The following PLA2G15 variants were observed in gnomAD, a reference collection of about 807,000 sequenced individuals.
The protein encoded by PLA2G15 is lysosomal phospholipase A and acyltransferase.
Under a neutral mutation model 40.9 loss-of-function variants are expected in PLA2G15, and 20 were observed. The observed-to-expected ratio is 0.49, with a 90% CI of 0.34 to 0.71. The LOEUF (loss-of-function observed/expected upper bound fraction) is 0.71, where lower values mean the gene tolerates loss of function less well. Ranked by LOEUF, PLA2G15 falls within the 30% of genes least tolerant of loss-of-function variation. The pLI is 0.01. For synonymous variants in PLA2G15, 223 were observed against 228.2 expected (o/e 0.98, Z 0.21); for missense variants, 471 against 541.9 (o/e 0.87, Z 1.30).
At position 68,254,956 on chromosome 16, in the gene PLA2G15, C is replaced by G; in HGVS notation, c.322C>G (p.Pro108Ala). The G allele has an allele frequency of 6.2e-7, 1 of 1,613,972 alleles. No homozygotes were observed. Among genetic ancestry groups the G allele is most frequent in the Non-Finnish European group, 8.5e-7 (1 of 1,179,886 alleles). ...CAAAACATCCAGGGCCACCCAGTTT[C>G]CTGATGGTGTGGATGTACGTGTCCC... Reference protein sequence around the residue: ...YNKTSRATQFPDGVDVRVPGF... With the variant: ...YNKTSRATQFADGVDVRVPGF... Residue 108 changes from proline to alanine, a missense_variant, in exon 3 of 6, where the codon CCT becomes GCT. Physicochemically the swap from Pro to Ala is conservative, Grantham distance 27. Transcript: ENST00000219345.
In PLA2G15 at chr16:68,255,708, C is replaced by T. The variant is rs767882512; in HGVS notation, c.503-58C>T. 6 of 1,425,758 alleles carry T rather than the reference C, an allele frequency of 4.2e-6. No individual in the cohort carries two copies. In the South Asian group the frequency reaches 5.8e-5, roughly 14 times the overall value. 88.3% of individuals were successfully genotyped at this position (1,425,758 alleles called of 1,614,324 possible). On this transcript the variant is annotated intron_variant, in intron 4 of 5. Transcript: ENST00000219345. This position sits in a 1 kb window ranked among gnomAD's most constrained non-coding sequence, Gnocchi z 5.9. ...TCTTGTGTCTGGCCTGAGAAAAGCT[C>T]AGTGGTTCCGGCTCCAGGACCCTTC... is the stretch of plus-strand genomic sequence containing the variant.
rs1216133821 is a variant in PLA2G15 at position 68,255,409 on chromosome 16, A to G, written c.502+29A>G. 21 of 1,485,642 alleles carry G rather than the reference A, an allele frequency of 1.4e-5. No individual in the cohort carries two copies. Among genetic ancestry groups the G allele is most frequent in the Non-Finnish European group, 2.0e-5 (21 of 1,073,206 alleles). 92.0% of individuals were successfully genotyped at this position (1,485,642 alleles called of 1,614,324 possible). On this transcript the variant is annotated intron_variant, in intron 4 of 5. Transcript: ENST00000219345. The surrounding 1 kb of genome is among the most constrained non-coding windows in gnomAD (Gnocchi z 5.9). ...AGCAGGCACTCTCATTCCCTCCCTGACGTCTCGGGAGGTAGGGGTGAGGTG... is the reference window on the plus strand; with the variant it reads ...AGCAGGCACTCTCATTCCCTCCCTGGCGTCTCGGGAGGTAGGGGTGAGGTG...
At chr16:68,253,691 GTTT>G (rs58831503) in intron 2 of PLA2G15, among the ~76,000 whole-genome samples, 3 of 124,920 alleles carry the variant, frequency 2.4e-5, no homozygotes, top group Non-Finnish European at 3.3e-5. Context: ...GTTTTGTTTT[GTTT>G]TTTTTTTTTT....
At chr16:68,252,717 C>G (rs1335054238) in intron 2 of PLA2G15, 1 of 408,154 alleles carries the variant, frequency 2.5e-6, no homozygotes, top group Non-Finnish European at 5.0e-6. Context: ...CCTATAATCC[C>G]AGCACTTTGG....
chr16:68,248,918 C>A (rs1161646212), intron 1 of PLA2G15, among the ~76,000 whole-genome samples: 1 of 152,170 alleles, frequency 6.6e-6, no homozygotes, highest in African/African-American at 2.4e-5. Flanking sequence ...CCTGAACCCC[C>A]TTCCAATAAT....
rs1235965972 is a variant in PLA2G15, at chr16:68,248,732, G to A, written c.128-558G>A. On this transcript the variant is annotated intron_variant, in intron 1 of 5. Transcript: ENST00000219345. ...ACAAGGGCCTTGGCCAAACTTTGGA[G>A]GTTCTGGAATGCAAAGGGGTCTCCA... 5.0e-6 allele frequency: 5 copies of A among 992,558 alleles called. No individual in the cohort carries two copies. In the East Asian group the frequency reaches 3.4e-4, roughly 67 times the overall value. The allele number at this position is 992,558 out of a possible 1,614,324, so 61.5% of individuals were successfully genotyped here.
Position 68,255,230 on chromosome 16 carries a change from G to T in PLA2G15, c.404-52G>T, listed in dbSNP as rs2042390691. On this transcript the variant is annotated intron_variant, in intron 3 of 5. Coordinates refer to ENST00000219345, the MANE Select transcript of PLA2G15 (RefSeq NM_012320.4). The surrounding 1 kb of genome is among the most constrained non-coding windows in gnomAD (Gnocchi z 5.9). ...CAGTCTCCATGCTGGGCATAGTGTAGGTGGCCGGCACTAGCTGTATCTTTT... is the reference window on the plus strand; with the variant it reads ...CAGTCTCCATGCTGGGCATAGTGTATGTGGCCGGCACTAGCTGTATCTTTT... 2 of 1,339,648 alleles carry T rather than the reference G, an allele frequency of 1.5e-6. No homozygotes were observed. Among genetic ancestry groups the T allele is most frequent in the Admixed American group, 1.7e-5 (1 of 58,556 alleles). 83.0% of individuals were successfully genotyped at this position (1,339,648 alleles called of 1,614,324 possible).
Position 68,254,995 on chromosome 16 carries a change from A to T in PLA2G15, c.361A>T (p.Thr121Ser), listed in dbSNP as rs772978345. Residue 121 changes from threonine to serine, a missense_variant, in exon 3 of 6, where the codon ACC (threonine) becomes TCC (serine). By Grantham distance (58) the Thr-to-Ser change is moderately conservative (BLOSUM62 1). Coordinates refer to ENST00000219345, the MANE Select transcript of PLA2G15 (RefSeq NM_012320.4). Reference protein sequence around the residue: ...VDVRVPGFGKTFSLEFLDPSK... With the variant: ...VDVRVPGFGKSFSLEFLDPSK... Reference sequence around the variant, plus strand: ...TGTACGTGTCCCTGGCTTTGGGAAGACCTTCTCACTGGAGTTCCTGGACCC... The same window carrying T: ...TGTACGTGTCCCTGGCTTTGGGAAGTCCTTCTCACTGGAGTTCCTGGACCC... 2.5e-6 allele frequency: 4 copies of T among 1,613,850 alleles called. No individual in the cohort carries two copies. The highest frequency in any genetic ancestry group is 3.4e-6 in the Non-Finnish European group (4 of 1,179,856).
chr16:68,254,237 G>A (rs2042381331), intron 2 of PLA2G15: 1 of 151,850 alleles, frequency 6.6e-6, no homozygotes, highest in Non-Finnish European at 1.5e-5. Context: ...GGGGTCCTGG[G>A]GTCAGTATTT....
chr16:68,256,834 ACTT>A (rs993468470), intron 5 of PLA2G15, among the ~76,000 whole-genome samples: 2 of 145,774 alleles, frequency 1.4e-5, no homozygotes, highest in African/African-American at 5.1e-5. Flanking sequence ...CCCCATCCTT[ACTT>A]CTTCATCCCC....
chr16:68,245,805 C>A (rs1353627838), intron 1 of PLA2G15, among the ~76,000 whole-genome samples: 1 of 152,132 alleles, frequency 6.6e-6, no homozygotes, highest in Non-Finnish European at 1.5e-5. Context: ...ATTCATAGTT[C>A]CACCTGTCCG....
intron 5 of PLA2G15, 24 bp downstream of exon 5, chr16:68,256,014 T>TG (rs1357229659): frequency 4.0e-6 from 6 of 1,492,902 alleles, no homozygotes; most frequent in East Asian, 2.3e-5. Flanking sequence ...TGGCCCAGCG[T>TG]GGGGGGCTGT....
intron 2 of PLA2G15, chr16:68,254,347 A>ATTTTT (rs1555528330): frequency 6.8e-6 from 1 of 146,078 alleles, no homozygotes; most frequent in African/African-American, 2.6e-5. Flanking sequence ...TTATTTATTT[A>ATTTTT]TTTATTTTTT....
chr16:68,256,029 A>AG, intron 5 of PLA2G15, 39 bp downstream of exon 5: 1 of 1,360,436 alleles, frequency 7.4e-7, no homozygotes, highest in Non-Finnish European at 1.0e-6. Flanking sequence ...GGCTGTTGCC[A>AG]GGAATTCTGC....
chr16:68,256,912 C>G (rs2042406600), intron 5 of PLA2G15, among the ~76,000 whole-genome samples: 1 of 149,298 alleles, frequency 6.7e-6, no homozygotes, highest in Non-Finnish European at 1.5e-5. Context: ...GGGTCTTTCT[C>G]ACTCTGCCAT....
In PLA2G15 at chr16:68,259,118, C is replaced by T. The variant is rs1474491818; in HGVS notation, c.728-28C>T. 2.5e-6 allele frequency: 4 copies of T among 1,587,220 alleles called. No homozygotes were observed. Among genetic ancestry groups the T allele is most frequent in the Non-Finnish European group, 2.6e-6 (3 of 1,166,926 alleles). On this transcript the variant is annotated intron_variant, in intron 5 of 5. Coordinates refer to ENST00000219345, the MANE Select transcript of PLA2G15 (RefSeq NM_012320.4). This position sits in a 1 kb window ranked among gnomAD's most constrained non-coding sequence, Gnocchi z 6.5. Reference sequence around the variant, plus strand: ...CCCAACCAGCTGGCATTCCTAAGCACAGACTGACCAGAGCCTTCTCCCTGC... The same window carrying T: ...CCCAACCAGCTGGCATTCCTAAGCATAGACTGACCAGAGCCTTCTCCCTGC...
intron 1 of PLA2G15, among the ~76,000 whole-genome samples, chr16:68,247,293 C>CAGA (rs1567571230): frequency 2.6e-5 from 4 of 152,172 alleles, no homozygotes. Flanking sequence ...CGATGTGATA[C>CAGA]AGAAGACCCT....
At chr16:68,252,568 G>C in intron 2 of PLA2G15, 1 of 456,018 alleles carries the variant, frequency 2.2e-6, no homozygotes, top group South Asian at 1.5e-5. Context: ...CCTGAGGCGG[G>C]GTCTGTCCTG....
intron 2 of PLA2G15, among the ~76,000 whole-genome samples, chr16:68,253,773 T>C (rs1250787776): frequency 6.7e-6 from 1 of 149,238 alleles, no homozygotes; most frequent in African/African-American, 2.5e-5. Context: ...CACTGCAGCC[T>C]CAATATCCCA....
Sources: gnomAD v4.1 joint callset for allele counts (sites outside exome capture counted in the v4.1 genomes callset) on GRCh38, gnomAD v4.1.1 for gene constraint, Gnocchi (gnomAD v3.1) non-coding constraint, MANE v1.5 for transcripts, NCBI Gene and HGNC (gene_info 2026-07-23, HGNC 2026-07-21) for gene names.